The following PDE4C variants were observed in gnomAD, a reference collection of about 807,000 sequenced individuals.
PDE4C encodes the protein phosphodiesterase 4C, also known as 3',5'-cyclic-AMP phosphodiesterase 4C.
PDE4C carries 50 observed loss-of-function variants against 63.9 expected under a neutral mutation model. That is an observed-to-expected ratio of 0.78 (90% confidence interval 0.62 to 0.99). The LOEUF is 0.99. Ranked by LOEUF, PDE4C falls within the 50% of genes least tolerant of loss-of-function variation. The pLI, the probability that PDE4C is intolerant of heterozygous loss-of-function variation, is 0.00. For missense variants in PDE4C, 777 were observed against 899.1 expected, an observed-to-expected ratio of 0.86 and a Z score of 1.74; for synonymous variants, 377 against 385.1, an observed-to-expected ratio of 0.98 and a Z score of 0.25.
chr19:18,239,208 G>C, intron 1 of PDE4C, among the ~76,000 whole-genome samples: 1 of 152,122 alleles, frequency 6.6e-6, no homozygotes, highest in East Asian at 1.9e-4. Context: ...AGTAACTAGA[G>C]CCCAAGGTTG....
intron 1 of PDE4C, among the ~76,000 whole-genome samples, chr19:18,246,434 C>T (rs987255356): frequency 4.0e-5 from 6 of 151,734 alleles, no homozygotes; most frequent in South Asian, 2.1e-4. Context: ...CCACCTGCCT[C>T]GGCCTCCCAA....
chr19:18,240,977 G>T (rs1367331580), intron 1 of PDE4C, among the ~76,000 whole-genome samples: 3 of 152,166 alleles, frequency 2.0e-5, no homozygotes, highest in Non-Finnish European at 4.4e-5. Context: ...ACAGCTGGGG[G>T]CTTGAGCCAC....
chr19:18,251,677 CG>C (rs1476469079), upstream of PDE4C, among the ~76,000 whole-genome samples: 1 of 99,434 alleles, frequency 1.0e-5, no homozygotes, highest in African/African-American at 4.4e-5. Context: ...TCGTGATACA[CG>C]CCCCCCCCGC....
chr19:18,217,718 G>A (rs1229352535), intron 11 of PDE4C, among the ~76,000 whole-genome samples: 1 of 151,976 alleles, frequency 6.6e-6, no homozygotes, highest in Non-Finnish European at 1.5e-5. Context: ...GTAACAGAGC[G>A]AAACCCTGTC....
rs751523239 is a variant in PDE4C, at chr19:18,213,513, G to A, written c.1390-23C>T. 3.1e-6 allele frequency: 5 copies of A among 1,606,554 alleles called. No individual in the cohort carries two copies. The East Asian group carries it at 1.1e-4, about 36-fold the overall frequency. On this transcript the variant is annotated intron_variant, in intron 12 of 14. Transcript: ENST00000262805. ...CACCTGGGGGCAGGCAAGGGAAGGTGACAGGCGCGAGGACCCTGCCCACCC... is the reference window on the plus strand; with the variant it reads ...CACCTGGGGGCAGGCAAGGGAAGGTAACAGGCGCGAGGACCCTGCCCACCC...
intron 1 of PDE4C, chr19:18,232,916 C>T (rs1192705499): frequency 2.1e-6 from 3 of 1,425,102 alleles, no homozygotes; most frequent in East Asian, 2.7e-5. Flanking sequence ...GCCCCTCCCC[C>T]GCGCTGCAGG....
upstream of PDE4C, chr19:18,226,605 C>CTT (rs34009293): frequency 0.018 from 3,576 of 203,038 alleles, 7 homozygotes; most frequent in Middle Eastern, 0.033. Flanking sequence ...CTCTCTGCTC[C>CTT]TTTTTTTTTT....
chr19:18,243,358 T>TAG (rs1302327148), intron 1 of PDE4C, among the ~76,000 whole-genome samples: 2 of 152,138 alleles, frequency 1.3e-5, no homozygotes, highest in Non-Finnish European at 2.9e-5. Flanking sequence ...TCCACCCACC[T>TAG]AGGCCTCCCA....
chr19:18,235,407 G>A (rs992630572), upstream of PDE4C, among the ~76,000 whole-genome samples: 18 of 152,292 alleles, frequency 1.2e-4, no homozygotes, highest in Non-Finnish European at 2.2e-4. Flanking sequence ...CTGACCTCAG[G>A]TGATCCACCC....
chr19:18,233,321 G>T (rs565498002), exon 1 of PDE4C: 9 of 1,307,712 alleles, frequency 6.9e-6, no homozygotes, highest in South Asian at 6.3e-5. Flanking sequence ...TGTCCGCGCC[G>T]GAGGTGCTGA....
chr19:18,223,345 G>A (rs1222266258), intron 1 of PDE4C, among the ~76,000 whole-genome samples: 1 of 152,178 alleles, frequency 6.6e-6, no homozygotes, highest in Non-Finnish European at 1.5e-5. Context: ...CAAGGAGCTG[G>A]GATTACAGGC....
At chr19:18,211,231 C>A in exon 15 of PDE4C, 3 of 1,608,352 alleles carry the variant, frequency 1.9e-6, no homozygotes, top group South Asian at 1.1e-5. Context: ...ACCAGGTCAG[C>A]CCAAGTCTCC....
chr19:18,211,835 C>T (rs1480236852), exon 14 of PDE4C: 2 of 1,614,260 alleles, frequency 1.2e-6, no homozygotes, highest in Non-Finnish European at 1.7e-6. Context: ...CTCGCGGTCT[C>T]CCTGCTGGAA....
At chr19:18,249,168 C>A (rs1013185209), upstream of PDE4C, among the ~76,000 whole-genome samples, 1 of 152,070 alleles carries the variant, frequency 6.6e-6, no homozygotes, top group African/African-American at 2.4e-5. Context: ...GGGGTTTTGC[C>A]ATTTTGCCCA....
rs779600971 is a variant in PDE4C at position 18,220,622 on chromosome 19, G to A, written c.500-107C>T. 177 of 1,021,646 alleles carry A rather than the reference G, an allele frequency of 1.7e-4. No individual in the cohort carries two copies. The highest frequency in any genetic ancestry group is 4.1e-4 in the Admixed American group (18 of 44,302). 63.3% of individuals were successfully genotyped at this position (1,021,646 alleles called of 1,614,324 possible). On this transcript the variant is annotated intron_variant, in intron 5 of 14. Transcript: ENST00000262805. This position sits in a 1 kb window ranked among gnomAD's most constrained non-coding sequence, Gnocchi z 5.1. ...GGACCCTGAAACTGTTCCCACGGGG[G>A]CCACCCAGGACTCCTGGACCCAAGT...
chr19:18,233,167 C>A, exon 1 of PDE4C: 2 of 1,558,308 alleles, frequency 1.3e-6, no homozygotes, highest in South Asian at 2.4e-5. Context: ...GCCTCTGCCC[C>A]TTCGCCGACC....
upstream of PDE4C, among the ~76,000 whole-genome samples, chr19:18,231,122 C>T (rs925957437): frequency 5.9e-5 from 9 of 152,256 alleles, no homozygotes; most frequent in African/African-American, 2.2e-4. Flanking sequence ...TACCACACAG[C>T]AGGTTGGCCT....
chr19:18,211,090 GT>G lies in PDE4C; in HGVS notation c.1881del (p.Glu627AspfsTer2). On this transcript the variant is annotated frameshift_variant, in exon 15 of 15. Transcript: ENST00000262805. LOFTEE classifies it low-confidence loss of function (END_TRUNC). The stretch of plus-strand genomic sequence containing the variant: ...TCTTCCTCTGCCTCCTCCAGAGTCA[GT>G]TCAAACTGGAATCTGTCAGGCCCGT... 1.2e-6 allele frequency: 2 copies of G among 1,614,196 alleles called. No homozygotes were observed. Among genetic ancestry groups the G allele is most frequent in the Non-Finnish European group, 1.7e-6 (2 of 1,180,034 alleles).
upstream of PDE4C, among the ~76,000 whole-genome samples, chr19:18,230,232 G>A (rs1046106374): frequency 2.6e-5 from 4 of 152,218 alleles, no homozygotes; most frequent in Non-Finnish European, 5.9e-5. Flanking sequence ...GCGGCTGGGT[G>A]TGGTGGCTCA....
Sources: allele counts gnomAD v4.1 joint callset (sites outside exome capture counted in the v4.1 genomes callset), GRCh38; gene constraint gnomAD v4.1.1; non-coding constraint Gnocchi (gnomAD v3.1); transcripts MANE v1.5; gene names NCBI Gene and HGNC (gene_info 2026-07-23, HGNC 2026-07-21).